Variants in TTC23L observed in about 807,000 individuals in gnomAD.
TTC23L encodes tetratricopeptide repeat domain 23 like, also known as tetratricopeptide repeat protein 23-like.
A neutral mutation model predicts 48.1 loss-of-function variants in TTC23L; 42 were observed. The observed-to-expected ratio is 0.87, with a 90% confidence interval of 0.68 to 1.13. The LOEUF is 1.13. TTC23L is among the 50% of genes most tolerant of loss of function. The probability of loss-of-function intolerance (pLI) is 0.00; values close to 1 mark genes in which losing one functional copy is unlikely to be tolerated. For missense variants in TTC23L, 391 were observed against 421.0 expected, an observed-to-expected ratio of 0.93 and a Z score of 0.62; for synonymous variants, 159 against 157.2, an observed-to-expected ratio of 1.01 and a Z score of -0.09.
At chr5:34,886,608 G>C (rs961597851) in intron 9 of TTC23L, among the ~76,000 whole-genome samples, 1 of 152,034 alleles carries the variant, frequency 6.6e-6, no homozygotes, top group African/African-American at 2.4e-5. Flanking sequence ...ATGTGAGGAG[G>C]GATGTATGTA....
At chr5:34,904,951 G>T in the TTC23L span, among the ~76,000 whole-genome samples, 1 of 152,168 alleles carries the variant, frequency 6.6e-6, no homozygotes, top group Non-Finnish European at 1.5e-5. Context: ...GCCACTACTA[G>T]TATCTATTAT....
chr5:34,850,138 G>A (rs775152577), intron 3 of TTC23L, 47 bp from the exon 4 acceptor site: 1 of 1,607,966 alleles, frequency 6.2e-7, no homozygotes, highest in Non-Finnish European at 8.5e-7. Flanking sequence ...ATGGGGTAGA[G>A]ACTTCTCTTC....
chr5:34,848,123 A>C (rs538912090), intron 3 of TTC23L, among the ~76,000 whole-genome samples: 3 of 152,310 alleles, frequency 2.0e-5, no homozygotes, highest in African/African-American at 7.2e-5. Context: ...AAAGCAACAC[A>C]ATCAGTAAAC....
the TTC23L span, chr5:34,922,833 AT>A: frequency 6.9e-7 from 1 of 1,441,408 alleles, no homozygotes; most frequent in Non-Finnish European, 9.7e-7. Flanking sequence ...TTTAGTAGAT[AT>A]AGTTGTGTTA....
the TTC23L span, among the ~76,000 whole-genome samples, chr5:34,904,865 C>T: frequency 6.6e-6 from 1 of 152,142 alleles, no homozygotes; most frequent in East Asian, 1.9e-4. Context: ...TTCCTTTTTA[C>T]TTTAGTATGA....
At chr5:34,878,943 T>A (rs1762038793) in intron 8 of TTC23L, among the ~76,000 whole-genome samples, 3 of 152,206 alleles carry the variant, frequency 2.0e-5, no homozygotes, top group Non-Finnish European at 4.4e-5. Flanking sequence ...AGAATCAGTC[T>A]AAGTATTCAG....
At chr5:34,913,813 C>G in the TTC23L span, 1 of 529,332 alleles carries the variant, frequency 1.9e-6, no homozygotes, top group South Asian at 1.9e-5. Context: ...TTGTGCCTAT[C>G]ACTACTGCTA....
At chr5:34,868,252 C>G (rs1385099689) in intron 7 of TTC23L, 4 of 152,222 alleles carry the variant, frequency 2.6e-5, no homozygotes, top group Non-Finnish European at 4.4e-5. Context: ...TGTGTCTTGG[C>G]TCCAAAGTCT....
intron 9 of TTC23L, among the ~76,000 whole-genome samples, chr5:34,888,778 C>T (rs1762683595): frequency 6.6e-6 from 1 of 152,170 alleles, no homozygotes; most frequent in African/African-American, 2.4e-5. Context: ...TTTATAATAT[C>T]CCTTTCAATG....
chr5:34,840,869 A>G, intron 2 of TTC23L, 130 bp downstream of exon 2: 2 of 826,338 alleles, frequency 2.4e-6, no homozygotes, highest in Non-Finnish European at 4.1e-6. Flanking sequence ...CAACATGGTG[A>G]AACCCCGTCT....
At chr5:34,915,640 G>A in the TTC23L span, 5 of 1,401,992 alleles carry the variant, frequency 3.6e-6, no homozygotes, top group Non-Finnish European at 3.8e-6. Context: ...GAGGACGACC[G>A]CGGAGCTGAG....
intron 9 of TTC23L, among the ~76,000 whole-genome samples, chr5:34,896,359 G>A (rs1395776322): frequency 3.9e-5 from 6 of 152,166 alleles, no homozygotes; most frequent in African/African-American, 1.2e-4. Flanking sequence ...CCTGGGGTAC[G>A]GGTGGGGGAA....
chr5:34,869,873 T>A (rs1761328962), intron 8 of TTC23L: 1 of 152,186 alleles, frequency 6.6e-6, no homozygotes, highest in Non-Finnish European at 1.5e-5. Flanking sequence ...AATTATTTTT[T>A]AAGCATAAAC....
chr5:34,908,171 C>CTTTTTTTT, the TTC23L span: 1 of 127,216 alleles, frequency 7.9e-6, no homozygotes, highest in African/African-American at 2.9e-5. Flanking sequence ...AGCCTTTAGA[C>CTTTTTTTT]TTTTTTTTTT....
the TTC23L span, chr5:34,908,867 G>T: frequency 6.2e-7 from 1 of 1,612,944 alleles, no homozygotes; most frequent in Non-Finnish European, 8.5e-7. Context: ...ATGAAAGGAA[G>T]CCTCTGTTAT....
At chr5:34,923,646 A>G in the TTC23L span, among the ~76,000 whole-genome samples, 1 of 152,076 alleles carries the variant, frequency 6.6e-6, no homozygotes, top group Non-Finnish European at 1.5e-5. Flanking sequence ...CTGGCCTCAA[A>G]TCATTCCTCC....
At chr5:34,909,127 G>A in the TTC23L span, 1 of 888,964 alleles carries the variant, frequency 1.1e-6, no homozygotes, top group South Asian at 1.7e-5. Flanking sequence ...AGTAAGTCCA[G>A]CACTCTACTA....
chr5:34,915,022 G>A, the TTC23L span: 33 of 942,938 alleles, frequency 3.5e-5, no homozygotes, highest in Non-Finnish European at 4.9e-5. Context: ...AGCTCCACCT[G>A]CGCTGAGAGG....
At chr5:34,869,060 G>A in intron 8 of TTC23L, 47 bp downstream of exon 8, 1 of 1,447,050 alleles carries the variant, frequency 6.9e-7, no homozygotes, top group South Asian at 1.2e-5. Flanking sequence ...TCACATGAGG[G>A]AAGCACATTG....
Sources: gnomAD v4.1 joint callset for allele counts (sites outside exome capture counted in the v4.1 genomes callset) on GRCh38, gnomAD v4.1.1 for gene constraint, MANE v1.5 for transcripts, NCBI Gene and HGNC (gene_info 2026-07-23, HGNC 2026-07-21) for gene names.